CDKN2B-AS1: variants seen among roughly 807,000 people sequenced by gnomAD.
CDKN2B-AS1 encodes the protein CDKN2B and CDKN2A antisense cis and trans regulatory RNA 1.
chr9:22,059,656 A>T (rs1823728382), intron 4 of CDKN2B-AS1, among the ~76,000 whole-genome samples: 2 of 152,216 alleles, frequency 1.3e-5, no homozygotes, highest in Non-Finnish European at 2.9e-5. Flanking sequence ...GGCAGTGCCT[A>T]GGGACTGTGT....
chr9:22,059,928 C>A (rs1823743554), intron 4 of CDKN2B-AS1, among the ~76,000 whole-genome samples: 1 of 152,224 alleles, frequency 6.6e-6, no homozygotes, highest in South Asian at 2.1e-4. Flanking sequence ...TCAGCCACAG[C>A]TGGAGCAGCT....
rs1822830381 is a variant in CDKN2B-AS1 at position 22,039,857 on chromosome 9, A to G, written n.30-6894A>G. Among the ~76,000 whole-genome samples the G allele has an allele frequency of 6.6e-6, 1 of 152,012 alleles. No individual in the cohort carries two copies. Among genetic ancestry groups the G allele is most frequent in the Non-Finnish European group, 1.5e-5 (1 of 67,964 alleles). ...GCTTCAGAATGTGACCTTATTTGGA[A>G]ACAGGGTCATTGCAAATATAATTAG... On this transcript the variant is annotated intron_variant and non_coding_transcript_variant, in intron 1 of 4. Transcript: ENST00000650946. The surrounding 1 kb of genome is among the most constrained non-coding windows in gnomAD (Gnocchi z 4.4).
chr9:22,107,226 A>T (rs1352442062), intron 4 of CDKN2B-AS1, among the ~76,000 whole-genome samples: 1 of 152,178 alleles, frequency 6.6e-6, no homozygotes, highest in Non-Finnish European at 1.5e-5. Flanking sequence ...GTTCTAAGAA[A>T]CTAGCGGCAA....
At chr9:22,087,980 G>A (rs748262632) in intron 4 of CDKN2B-AS1, among the ~76,000 whole-genome samples, 1 of 152,208 alleles carries the variant, frequency 6.6e-6, no homozygotes, top group East Asian at 1.9e-4. Flanking sequence ...GAGTGTTATA[G>A]AAGTGGTAAA....
At chr9:22,064,164 T>C (rs1306179413) in intron 4 of CDKN2B-AS1, 2 of 152,074 alleles carry the variant, frequency 1.3e-5, no homozygotes, top group Non-Finnish European at 2.9e-5. Flanking sequence ...ATGACAGAAA[T>C]TGGAGTTTGG....
chr9:22,111,036 A>G (rs114418250), intron 4 of CDKN2B-AS1, among the ~76,000 whole-genome samples: 1,589 of 152,276 alleles, frequency 0.01, 28 homozygotes, highest in African/African-American at 0.036. Context: ...GCTGAAAAAT[A>G]TTCTATTGGA....
At chr9:22,008,263 C>T (rs1299793194) in intron 1 of CDKN2B-AS1, among the ~76,000 whole-genome samples, 1 of 152,176 alleles carries the variant, frequency 6.6e-6, no homozygotes, top group Admixed American at 6.5e-5. Flanking sequence ...ATGCATCACT[C>T]ATAAGACACT....
intron 4 of CDKN2B-AS1, among the ~76,000 whole-genome samples, chr9:22,117,371 C>G (rs1178151525): frequency 1.3e-5 from 2 of 152,122 alleles, no homozygotes; most frequent in African/African-American, 2.4e-5. Context: ...TTTGATATGA[C>G]AACCCCTCCT....
At chr9:22,046,772 T>G (rs1243857738) in exon 2 of CDKN2B-AS1, 1 of 152,180 alleles carries the variant, frequency 6.6e-6, no homozygotes, top group East Asian at 1.9e-4. Context: ...ATGAGAAGAA[T>G]AAGCCTCATT....
intron 1 of CDKN2B-AS1, among the ~76,000 whole-genome samples, chr9:22,027,189 A>G (rs1469200358): frequency 6.6e-6 from 1 of 152,128 alleles, no homozygotes; most frequent in Non-Finnish European, 1.5e-5. Flanking sequence ...AAAAAAAAAA[A>G]AAAATTAATA....
At chr9:22,096,833 A>T (rs879264996) in intron 4 of CDKN2B-AS1, among the ~76,000 whole-genome samples, 2 of 151,734 alleles carry the variant, frequency 1.3e-5, no homozygotes, top group Non-Finnish European at 2.9e-5. Context: ...TCTCCAGCTC[A>T]CTCATCAATC....
chr9:22,013,746 C>T (rs900152820), intron 1 of CDKN2B-AS1, among the ~76,000 whole-genome samples: 2 of 152,328 alleles, frequency 1.3e-5, no homozygotes, highest in Admixed American at 6.5e-5. Context: ...ACCACTGCAC[C>T]TGGCGTCTTG....
chr9:22,094,532 C>T lies in CDKN2B-AS1; in HGVS notation n.439-32571C>T, dbSNP rs182637314. On this transcript the variant is annotated intron_variant and non_coding_transcript_variant, in intron 4 of 4. Coordinates refer to ENST00000650946, the Ensembl canonical transcript of CDKN2B-AS1. Reference sequence around the variant, plus strand: ...TTGTTTGTTTCTTTTTATTCTTTTTCCTCTAAACTTCTTGCTTCTTTTCAT... The same window carrying T: ...TTGTTTGTTTCTTTTTATTCTTTTTTCTCTAAACTTCTTGCTTCTTTTCAT... Among the ~76,000 whole-genome samples, 67 of 143,834 alleles carry T rather than the reference C, an allele frequency of 4.7e-4. 4 individuals are homozygous for T. In the East Asian group the frequency reaches 0.013, roughly 28 times the overall value. The allele number at this position is 143,834 out of a possible 152,430, so 94.4% of individuals were successfully genotyped here.
intron 4 of CDKN2B-AS1, among the ~76,000 whole-genome samples, chr9:22,086,415 G>T (rs1049514222): frequency 2.0e-5 from 3 of 151,912 alleles, no homozygotes. Flanking sequence ...AGTTTTTTTT[G>T]GAGAGAAATT....
Position 22,005,729 on chromosome 9 carries a change from C to T in CDKN2B-AS1, n.29+10568C>T, listed in dbSNP as rs914900927. 4.8e-5 allele frequency: 28 copies of T among 586,746 alleles called. No individual in the cohort carries two copies. Among genetic ancestry groups the T allele is most frequent in the African/African-American group, 4.5e-4 (24 of 53,746 alleles). The allele number at this position is 586,746 out of a possible 1,614,324, so 36.3% of individuals were successfully genotyped here. A position where few individuals can be genotyped will look rare whatever the true frequency, so the allele number is the denominator to read the frequency against. On this transcript the variant is annotated intron_variant and non_coding_transcript_variant, in intron 1 of 4. Coordinates refer to ENST00000650946, the Ensembl canonical transcript of CDKN2B-AS1. This position sits in a 1 kb window ranked among gnomAD's most constrained non-coding sequence, Gnocchi z 4.9. ...AAAGCAAACGACCCCTGGAATGTCACACACTCCTAAATATCCCTGGAAATC... is the reference window on the plus strand; with the variant it reads ...AAAGCAAACGACCCCTGGAATGTCATACACTCCTAAATATCCCTGGAAATC...
intron 1 of CDKN2B-AS1, chr9:22,008,538 T>G (rs2131188637): frequency 2.4e-6 from 2 of 845,148 alleles, no homozygotes; most frequent in Non-Finnish European, 3.5e-6. Context: ...TCTCCCCAAT[T>G]CAGTCTATTC....
intron 4 of CDKN2B-AS1, chr9:22,120,098 A>G (rs1487730865): frequency 2.0e-5 from 3 of 152,242 alleles, no homozygotes; most frequent in Non-Finnish European, 4.4e-5. Context: ...GTGAAGATTC[A>G]ATGAGTTGTA....
intron 4 of CDKN2B-AS1, chr9:22,077,874 T>C (rs908689553): frequency 6.6e-6 from 1 of 152,228 alleles, no homozygotes; most frequent in Admixed American, 6.5e-5. Flanking sequence ...GAAAGTTCAA[T>C]AAAATCTATA....
rs1821215487 is a variant in CDKN2B-AS1, at chr9:22,006,844, G to C, written n.29+11683G>C. On this transcript the variant is annotated intron_variant and non_coding_transcript_variant, in intron 1 of 4. Coordinates refer to ENST00000650946, the Ensembl canonical transcript of CDKN2B-AS1. This position sits in a 1 kb window ranked among gnomAD's most constrained non-coding sequence, Gnocchi z 6.4. ...TGTCTGAGCTCATAACTGGCTTGTAGTGTGATAATTTGAGCCAAAGTTGGA... is the reference window on the plus strand; with the variant it reads ...TGTCTGAGCTCATAACTGGCTTGTACTGTGATAATTTGAGCCAAAGTTGGA... 1.3e-5 allele frequency among the ~76,000 whole-genome samples: 2 copies of C among 151,966 alleles called. No homozygotes were observed. The highest frequency in any genetic ancestry group is 2.9e-5 in the Non-Finnish European group (2 of 68,014).
Sources: gnomAD v4.1 joint callset for allele counts (sites outside exome capture counted in the v4.1 genomes callset) on GRCh38, gnomAD v4.1.1 for gene constraint, Gnocchi (gnomAD v3.1) non-coding constraint, MANE v1.5 for transcripts, NCBI Gene and HGNC (gene_info 2026-07-23, HGNC 2026-07-21) for gene names.